NFKB1: variants seen among roughly 807,000 people sequenced by gnomAD.
The protein encoded by NFKB1 is nuclear factor NF-kappa-B p105 subunit.
NFKB1 carries 9 observed loss-of-function variants against 105.1 expected under a neutral mutation model. The observed-to-expected ratio is 0.09, with a 90% CI of 0.05 to 0.15. The LOEUF is 0.15. Among genes scored for constraint, NFKB1 ranks in the 10% least tolerant of loss-of-function variants. NFKB1 has a pLI of 1.00. For synonymous variants in NFKB1, 440 were observed against 442.2 expected, an observed-to-expected ratio of 1.00 and a Z score of 0.06; for missense variants, 830 against 1,203.7, an observed-to-expected ratio of 0.69 and a Z score of 4.59.
At chr4:102,569,988 C>G (rs1417328407) in intron 6 of NFKB1, among the ~76,000 whole-genome samples, 1 of 151,904 alleles carries the variant, frequency 6.6e-6, no homozygotes, top group Non-Finnish European at 1.5e-5. Flanking sequence ...ATTTTAAACC[C>G]TGAATATCAA....
intron 5 of NFKB1, among the ~76,000 whole-genome samples, chr4:102,562,312 C>T (rs2149161483): frequency 6.6e-6 from 1 of 152,272 alleles, no homozygotes; most frequent in Non-Finnish European, 1.5e-5. Context: ...TTATATATCT[C>T]CTTTGTAAGC....
chr4:102,548,408 T>C lies in NFKB1; in HGVS notation c.258+10452T>C, dbSNP rs567635788. On this transcript the variant is annotated intron_variant, in intron 5 of 23. Coordinates refer to ENST00000226574, the MANE Select transcript of NFKB1 (RefSeq NM_003998.4). ...AGGTGGCAATTGTATAATGCAGATA[T>C]CTAGATTGGCCACATAGAGGAACCG... Among the ~76,000 whole-genome samples the C allele has an allele frequency of 5.9e-5, 9 of 152,202 alleles. No individual in the cohort carries two copies. In the South Asian group the frequency reaches 1.9e-3, roughly 32 times the overall value.
intron 8 of NFKB1, among the ~76,000 whole-genome samples, chr4:102,580,065 A>G (rs1250596738): frequency 2.6e-5 from 4 of 152,198 alleles, no homozygotes; most frequent in Non-Finnish European, 4.4e-5. Flanking sequence ...AAAGAAACAT[A>G]ACATCCCCAT....
chr4:102,602,413 G>A (rs1330599699), intron 16 of NFKB1, among the ~76,000 whole-genome samples: 2 of 151,496 alleles, frequency 1.3e-5, no homozygotes, highest in Non-Finnish European at 2.9e-5. Context: ...GGTGGCAGGC[G>A]CCTGTAGTCC....
chr4:102,532,621 CTG>C (rs1741372268), intron 3 of NFKB1, among the ~76,000 whole-genome samples: 1 of 151,692 alleles, frequency 6.6e-6, no homozygotes, highest in African/African-American at 2.4e-5. Context: ...GAGTGAGACT[CTG>C]TCTCAAAAAA....
intron 6 of NFKB1, among the ~76,000 whole-genome samples, chr4:102,572,026 C>T (rs1724410055): frequency 6.6e-6 from 1 of 152,212 alleles, no homozygotes; most frequent in Non-Finnish European, 1.5e-5. Context: ...TATAAAGACA[C>T]ATGCACACTT....
chr4:102,532,646 T>A (rs886782282), intron 3 of NFKB1, among the ~76,000 whole-genome samples: 7 of 151,920 alleles, frequency 4.6e-5, no homozygotes, highest in African/African-American at 1.7e-4. Flanking sequence ...ATAAAAAAAA[T>A]TTTGAGAAAA....
chr4:102,539,751 A>G (rs1365760666), intron 5 of NFKB1, among the ~76,000 whole-genome samples: 1 of 152,204 alleles, frequency 6.6e-6, no homozygotes, highest in Non-Finnish European at 1.5e-5. Flanking sequence ...ATGGAATTAT[A>G]ATAACTGGCC....
chr4:102,513,445 C>T (rs1022423627), intron 1 of NFKB1, among the ~76,000 whole-genome samples: 5 of 151,806 alleles, frequency 3.3e-5, no homozygotes, highest in Non-Finnish European at 7.4e-5. Context: ...TTTAAAATGC[C>T]CAAAACATCT....
intron 6 of NFKB1, among the ~76,000 whole-genome samples, chr4:102,576,475 G>T (rs1307846924): frequency 6.6e-6 from 1 of 152,166 alleles, no homozygotes; most frequent in Non-Finnish European, 1.5e-5. Context: ...AAATTTGGAA[G>T]TCAAATAAGC....
At chr4:102,511,063 C>T (rs774704779) in intron 1 of NFKB1, 66 of 602,590 alleles carry the variant, frequency 1.1e-4, no homozygotes, top group Non-Finnish European at 1.4e-4. Context: ...CTTCCATCTT[C>T]GTATAGTGTG....
chr4:102,541,365 G>T (rs1165537894), intron 5 of NFKB1, among the ~76,000 whole-genome samples: 1 of 152,110 alleles, frequency 6.6e-6, no homozygotes, highest in African/African-American at 2.4e-5. Flanking sequence ...TGCCTTTCTT[G>T]GTTATTAGTA....
chr4:102,510,952 A>G (rs1224228420), intron 1 of NFKB1: 1 of 1,284,406 alleles, frequency 7.8e-7, no homozygotes, highest in African/African-American at 1.5e-5. Flanking sequence ...ACCACCAGGT[A>G]AACTAAAAAG....
rs1728530953 is a variant in NFKB1 at position 102,612,618 on chromosome 4, C to T, written c.2592+12C>T. On this transcript the variant is annotated intron_variant, in intron 22 of 23. Coordinates refer to ENST00000226574, the MANE Select transcript of NFKB1 (RefSeq NM_003998.4). ...TGGACAACTATGAGGTAACACCTTA[C>T]CTTACAGATTTAGCAATTTTCATTT... 1 of 1,609,302 alleles carries T rather than the reference C, an allele frequency of 6.2e-7. No homozygotes were observed. The highest frequency in any genetic ancestry group is 1.3e-5 in the African/African-American group (1 of 74,724).
intron 16 of NFKB1, 136 bp downstream of exon 16, chr4:102,601,145 A>G (rs1727111317): frequency 1.7e-6 from 1 of 601,192 alleles, no homozygotes; most frequent in Non-Finnish European, 2.9e-6. Flanking sequence ...GGTAATATCT[A>G]AAATCCCATT....
At chr4:102,583,087 CT>C in intron 10 of NFKB1, 130 bp downstream of exon 10, 1 of 554,042 alleles carries the variant, frequency 1.8e-6, no homozygotes, top group Non-Finnish European at 3.1e-6. Flanking sequence ...TTGAGGGATC[CT>C]CCTGTCTCAA....
intron 5 of NFKB1, among the ~76,000 whole-genome samples, chr4:102,555,557 G>A (rs1429875815): frequency 6.6e-6 from 1 of 152,182 alleles, no homozygotes; most frequent in Admixed American, 6.6e-5. Context: ...TTGCTCTAAT[G>A]TAAAGATAAA....
intron 1 of NFKB1, chr4:102,510,876 C>G: frequency 8.2e-7 from 1 of 1,215,326 alleles, no homozygotes; most frequent in Non-Finnish European, 1.1e-6. Flanking sequence ...CTGTTCCTTC[C>G]TAGAAGGAAC....
chr4:102,548,662 G>A (rs74646905), intron 5 of NFKB1, among the ~76,000 whole-genome samples: 4,881 of 152,176 alleles, frequency 0.032, 285 homozygotes, highest in African/African-American at 0.11. Context: ...TCGCAGGGCC[G>A]TGCCCCCTTT....
Sources: allele counts gnomAD v4.1 joint callset (sites outside exome capture counted in the v4.1 genomes callset), GRCh38; gene constraint gnomAD v4.1.1; transcripts MANE v1.5; gene names NCBI Gene and HGNC (gene_info 2026-07-23, HGNC 2026-07-21).